SMOX: variants seen among roughly 807,000 people sequenced by gnomAD.
The protein encoded by SMOX is spermine oxidase, also known as flavin containing amine oxidase.
SMOX carries 22 observed loss-of-function variants against 51.0 expected under a neutral mutation model. The observed-to-expected ratio is 0.43, with a 90% CI of 0.31 to 0.62. The LOEUF (loss-of-function observed/expected upper bound fraction) is 0.62. SMOX is among the 20% of genes least tolerant of loss of function. SMOX has a pLI of 0.10. For synonymous variants in SMOX, 282 were observed against 307.8 expected, an observed-to-expected ratio of 0.92 and a Z score of 0.88; for missense variants, 566 against 777.7, an observed-to-expected ratio of 0.73 and a Z score of 3.24.
intron 1 of SMOX, among the ~76,000 whole-genome samples, chr20:4,160,801 T>A (rs1473589700): frequency 6.6e-6 from 1 of 152,202 alleles, no homozygotes; most frequent in African/African-American, 2.4e-5. Flanking sequence ...GAAGGCTGCC[T>A]GGATCCAGCA....
chr20:4,178,090 G>A (rs1205897342), intron 3 of SMOX, among the ~76,000 whole-genome samples: 4 of 152,202 alleles, frequency 2.6e-5, no homozygotes, highest in Admixed American at 6.5e-5. Context: ...CGTCCAGGCT[G>A]GAGTGCAGTG....
chr20:4,172,794 AGGGT>A lies in SMOX; in HGVS notation c.-26-2224_-26-2221del, dbSNP rs1398541357. On this transcript the variant is annotated intron_variant, in intron 1 of 6. Transcript: ENST00000305958. The surrounding 1 kb of genome is among the most constrained non-coding windows in gnomAD (Gnocchi z 7.7). ...GACTTGGAGGGATTTTAGGGGCTGG[AGGGT>A]GGGTGGGTGGGAGGGGGGGTGGTGG... Among the ~76,000 whole-genome samples, 1 of 3,944 alleles carries A rather than the reference AGGGT, an allele frequency of 2.5e-4. No homozygotes were observed. The highest frequency in any genetic ancestry group is 4.8e-4 in the Non-Finnish European group (1 of 2,088). The allele number at this position is 3,944 out of a possible 152,430, so 2.6% of individuals were successfully genotyped here. A position where few individuals can be genotyped will look rare whatever the true frequency, so the allele number is the denominator to read the frequency against.
intron 3 of SMOX, among the ~76,000 whole-genome samples, chr20:4,179,245 A>G (rs1303600957): frequency 6.6e-6 from 1 of 152,220 alleles, no homozygotes; most frequent in Non-Finnish European, 1.5e-5. Context: ...GAGTGATTCA[A>G]ACATGGATGC....
rs996140626 is a variant in SMOX, at chr20:4,170,127, C to T, written c.-26-4903C>T. On this transcript the variant is annotated intron_variant, in intron 1 of 6. Transcript: ENST00000305958. This position sits in a 1 kb window ranked among gnomAD's most constrained non-coding sequence, Gnocchi z 4.6. Reference sequence around the variant, plus strand: ...AGGGTGGGGCTGGGAGATTGAGACCCGCATGGGTGAGGCTCACATAGAGGA... The same window carrying T: ...AGGGTGGGGCTGGGAGATTGAGACCTGCATGGGTGAGGCTCACATAGAGGA... 1.5e-5 allele frequency among the ~76,000 whole-genome samples: 2 copies of T among 137,080 alleles called. No homozygotes were observed. Among genetic ancestry groups the T allele is most frequent in the South Asian group, 2.4e-4 (1 of 4,238 alleles). 89.9% of individuals were successfully genotyped at this position (137,080 alleles called of 152,430 possible). A position where few individuals can be genotyped will look rare whatever the true frequency, so the allele number is the denominator to read the frequency against.
chr20:4,182,585 T>G lies in SMOX; in HGVS notation c.1106T>G (p.Phe369Cys). Residue 369 changes from phenylalanine (F) to cysteine (C), a missense_variant, in exon 5 of 7, where the codon TTT (phenylalanine) becomes TGT (cysteine). By Grantham distance (205) the Phe-to-Cys change is radical. Transcript: ENST00000305958. This position sits in a 1 kb window ranked among gnomAD's most constrained non-coding sequence, Gnocchi z 8.4. ...RLGIGTTDKI[F>C]LEFEEPFWGP... is the part of the protein sequence containing the mutation. ...GGCATTGGCACCACCGACAAGATCT[T>G]TCTGGAATTCGAGGAGCCCTTCTGG... 1 of 1,613,906 alleles carries G rather than the reference T, an allele frequency of 6.2e-7. No individual in the cohort carries two copies. The highest frequency in any genetic ancestry group is 8.5e-7 in the Non-Finnish European group (1 of 1,179,966).
Position 4,184,161 on chromosome 20 carries a change from CT to C in SMOX, c.1530+522del, listed in dbSNP as rs11418906. Among the ~76,000 whole-genome samples the C allele has an allele frequency of 3.8e-3, 530 of 137,678 alleles. 1 individual carries two copies. Among genetic ancestry groups the C allele is most frequent in the African/African-American group, 5.3e-3 (199 of 37,724 alleles). 90.3% of individuals were successfully genotyped at this position (137,678 alleles called of 152,430 possible). On this transcript the variant is annotated intron_variant, in intron 6 of 6. Coordinates refer to ENST00000305958, the MANE Select transcript of SMOX (RefSeq NM_175839.3). ...CCACCATGTCCAGCTAATTTTTGTACTTTTTTTTTTTTTTTGGTAGAGATGG... is the reference window on the plus strand; with the variant it reads ...CCACCATGTCCAGCTAATTTTTGTACTTTTTTTTTTTTTTGGTAGAGATGG...
chr20:4,168,619 C>T (rs971372678), intron 1 of SMOX, among the ~76,000 whole-genome samples: 7 of 150,944 alleles, frequency 4.6e-5, no homozygotes, highest in South Asian at 4.2e-4. Context: ...TGCAGTGGCG[C>T]GATCTCGACT....
At chr20:4,159,590 C>G (rs776161702) in intron 1 of SMOX, among the ~76,000 whole-genome samples, 18 of 152,268 alleles carry the variant, frequency 1.2e-4, no homozygotes, top group Non-Finnish European at 2.2e-4. Context: ...TGGCACTGCA[C>G]TCTGTATCTC....
intron 3 of SMOX, among the ~76,000 whole-genome samples, chr20:4,180,143 T>A (rs1979213746): frequency 6.6e-6 from 1 of 152,172 alleles, no homozygotes; most frequent in South Asian, 2.1e-4. Context: ...GGGTGAAGAA[T>A]TTGCTGAGGA....
chr20:4,150,399 C>T (rs1038276685), intron 1 of SMOX, among the ~76,000 whole-genome samples: 2 of 152,220 alleles, frequency 1.3e-5, no homozygotes, highest in African/African-American at 4.8e-5. Flanking sequence ...TCCTGGTCTC[C>T]TTGAACACTC....
At chr20:4,178,519 T>C (rs1198643996) in intron 3 of SMOX, among the ~76,000 whole-genome samples, 1 of 152,118 alleles carries the variant, frequency 6.6e-6, no homozygotes, top group Admixed American at 6.6e-5. Flanking sequence ...TTATTAATAT[T>C]GTTAGTATTC....
intron 3 of SMOX, among the ~76,000 whole-genome samples, chr20:4,179,779 C>T (rs534555726): frequency 2.0e-5 from 3 of 152,060 alleles, no homozygotes; most frequent in South Asian, 2.1e-4. Flanking sequence ...TGGTACTTAC[C>T]TCATAGTATT....
chr20:4,182,854 C>A lies in SMOX; in HGVS notation c.1369+6C>A. 6.3e-7 allele frequency: 1 copy of A among 1,593,266 alleles called. No homozygotes were observed. The highest frequency in any genetic ancestry group is 1.7e-5 in the Admixed American group (1 of 59,840). On this transcript the variant is annotated splice_donor_region_variant and intron_variant, in intron 5 of 6. Coordinates refer to ENST00000305958, the MANE Select transcript of SMOX (RefSeq NM_175839.3). This position sits in a 1 kb window ranked among gnomAD's most constrained non-coding sequence, Gnocchi z 8.4. ...GATGCTGCGTCAGTTCACAGGTGCG[C>A]CACGTGCCCCACGACCCGCTTCCCC...
Position 4,169,315 on chromosome 20 carries a change from G to A in SMOX, c.-26-5715G>A, listed in dbSNP as rs536952524. Reference sequence around the variant, plus strand: ...CCTGTAATAGCTCTGGCCACACCTGGCCAGATTTTTATCTCTTGTGAGGGG... The same window carrying A: ...CCTGTAATAGCTCTGGCCACACCTGACCAGATTTTTATCTCTTGTGAGGGG... On this transcript the variant is annotated intron_variant, in intron 1 of 6. Transcript: ENST00000305958. Among the ~76,000 whole-genome samples the A allele has an allele frequency of 3.7e-4, 56 of 152,202 alleles. 1 individual carries two copies. The South Asian group carries it at 9.8e-3, about 27-fold the overall frequency.
chr20:4,151,129 G>A (rs1463360130), intron 1 of SMOX, among the ~76,000 whole-genome samples: 2 of 152,052 alleles, frequency 1.3e-5, no homozygotes, highest in Non-Finnish European at 2.9e-5. Flanking sequence ...ACTGCGCCAG[G>A]CCCATCTACT....
At chr20:4,159,264 A>T (rs1178292867) in intron 1 of SMOX, among the ~76,000 whole-genome samples, 1 of 152,134 alleles carries the variant, frequency 6.6e-6, no homozygotes, top group South Asian at 2.1e-4. Context: ...GGTGCCTGCC[A>T]CCACGCCCGG....
intron 3 of SMOX, among the ~76,000 whole-genome samples, chr20:4,180,641 C>T (rs1003816769): frequency 2.6e-5 from 4 of 152,200 alleles, no homozygotes; most frequent in African/African-American, 9.7e-5. Flanking sequence ...CCCTGCCTGC[C>T]CTTCCAAAGT....
Position 4,182,011 on chromosome 20 carries a change from G to C in SMOX, c.609+35G>C, listed in dbSNP as rs375623126. ...GGAAGACGGATTCTGGGGGCGTCTG[G>C]GTCTGAGGAGGGCTACGCTGCTCCT... On this transcript the variant is annotated intron_variant, in intron 4 of 6. Transcript: ENST00000305958. This position sits in a 1 kb window ranked among gnomAD's most constrained non-coding sequence, Gnocchi z 8.4. 1 of 1,609,316 alleles carries C rather than the reference G, an allele frequency of 6.2e-7. No individual in the cohort carries two copies. The highest frequency in any genetic ancestry group is 1.7e-5 in the Admixed American group (1 of 59,722).
intron 1 of SMOX, among the ~76,000 whole-genome samples, chr20:4,165,353 C>T (rs1986529060): frequency 6.6e-6 from 1 of 152,090 alleles, no homozygotes; most frequent in African/African-American, 2.4e-5. Context: ...CGCACCCGGC[C>T]CTAGCTAACT....
Sources: allele counts gnomAD v4.1 joint callset (sites outside exome capture counted in the v4.1 genomes callset), GRCh38; gene constraint gnomAD v4.1.1; non-coding constraint Gnocchi (gnomAD v3.1); transcripts MANE v1.5; gene names NCBI Gene and HGNC (gene_info 2026-07-23, HGNC 2026-07-21).